RCAN2: variants seen among roughly 807,000 people sequenced by gnomAD.
The protein encoded by RCAN2 is regulator of calcineurin 2, also known as calcipressin-2.
A neutral mutation model predicts 23.6 loss-of-function variants in RCAN2; 9 were observed. The ratio of observed to expected loss-of-function variants is 0.38; its 90% CI spans 0.23 to 0.67. RCAN2 has a LOEUF of 0.67. RCAN2 is among the 30% of genes least tolerant of loss of function. RCAN2 has a pLI of 0.51. For missense variants in RCAN2, 273 were observed against 302.3 expected, an observed-to-expected ratio of 0.90 and a Z score of 0.72; for synonymous variants, 109 against 115.7, an observed-to-expected ratio of 0.94 and a Z score of 0.37.
At chr6:46,472,804 A>G (rs1311745338) in intron 1 of RCAN2, among the ~76,000 whole-genome samples, 1 of 152,202 alleles carries the variant, frequency 6.6e-6, no homozygotes, top group Non-Finnish European at 1.5e-5. Context: ...TTGAAAGAAG[A>G]AGGAACTTGG....
intron 2 of RCAN2, among the ~76,000 whole-genome samples, chr6:46,439,259 T>G (rs1042824958): frequency 6.6e-6 from 1 of 152,218 alleles, no homozygotes; most frequent in Admixed American, 6.5e-5. Context: ...ATACACTAAA[T>G]TTTACATGTA....
chr6:46,293,715 G>A (rs1387911159), intron 2 of RCAN2, among the ~76,000 whole-genome samples: 1 of 152,132 alleles, frequency 6.6e-6, no homozygotes, highest in Admixed American at 6.5e-5. Context: ...AGACAATACA[G>A]TGTGGTGAGG....
rs539962389 is a variant in RCAN2, at chr6:46,482,384, T to C, written c.-3+8789A>G. On this transcript the variant is annotated intron_variant, in intron 1 of 4. Coordinates refer to ENST00000371374, the MANE Select transcript of RCAN2 (RefSeq NM_001251974.2). The stretch of plus-strand genomic sequence containing the variant: ...ATTGAGAGAGGTGAGAGAAGAAGAA[T>C]GAAAACAGGCTAAAGGTAAAGTCCC... Among the ~76,000 whole-genome samples the C allele has an allele frequency of 3.9e-5, 6 of 152,224 alleles. No homozygotes were observed. The South Asian group carries it at 1.2e-3, about 32-fold the overall frequency.
chr6:46,470,232 C>T (rs559878658), intron 1 of RCAN2, among the ~76,000 whole-genome samples: 53 of 152,284 alleles, frequency 3.5e-4, no homozygotes, highest in South Asian at 1.2e-3. Flanking sequence ...ACAACTAGAA[C>T]ATTATGAGGG....
intron 2 of RCAN2, among the ~76,000 whole-genome samples, chr6:46,431,014 A>C (rs1279928070): frequency 6.6e-6 from 1 of 152,156 alleles, no homozygotes; most frequent in Non-Finnish European, 1.5e-5. Flanking sequence ...ATGAAGACAG[A>C]AGCAGAATAT....
chr6:46,425,710 AC>A lies in RCAN2; in HGVS notation c.225+31041del, dbSNP rs1275513676. Among the ~76,000 whole-genome samples the A allele has an allele frequency of 7.9e-5, 12 of 152,196 alleles. No homozygotes were observed. The East Asian group carries it at 2.3e-3, about 29-fold the overall frequency. On this transcript the variant is annotated intron_variant, in intron 2 of 4. Transcript: ENST00000371374. ...TCCTTGAGTTATAATTTATGTGCCT[AC>A]TTACCTTAAAAAAAACAGCATATAT...
At chr6:46,275,803 G>C (rs745626164) in intron 2 of RCAN2, among the ~76,000 whole-genome samples, 1 of 152,090 alleles carries the variant, frequency 6.6e-6, no homozygotes, top group Non-Finnish European at 1.5e-5. Flanking sequence ...TATCAGATGC[G>C]ACCAGAAAGT....
chr6:46,462,197 A>T (rs1427183394), intron 1 of RCAN2, among the ~76,000 whole-genome samples: 1 of 152,214 alleles, frequency 6.6e-6, no homozygotes, highest in African/African-American at 2.4e-5. Context: ...AATATTTGGT[A>T]TGAGTTTGGG....
intron 2 of RCAN2, among the ~76,000 whole-genome samples, chr6:46,318,952 T>TA (rs1305034595): frequency 2.0e-5 from 3 of 152,182 alleles, no homozygotes; most frequent in African/African-American, 7.2e-5. Context: ...GGAATGGGTA[T>TA]ATATAACTTT....
At chr6:46,295,630 G>A (rs1202353845) in intron 2 of RCAN2, among the ~76,000 whole-genome samples, 1 of 152,042 alleles carries the variant, frequency 6.6e-6, no homozygotes, top group Non-Finnish European at 1.5e-5. Context: ...AGGACTGCAG[G>A]GAAGCAAGGA....
At position 46,393,290 on chromosome 6, in the gene RCAN2, C is replaced by T. The variant is rs565384950; in HGVS notation, c.225+63462G>A. Among the ~76,000 whole-genome samples the T allele has an allele frequency of 2.0e-5, 3 of 152,240 alleles. No individual in the cohort carries two copies. In the East Asian group the frequency reaches 5.8e-4, roughly 29 times the overall value. ...AGCTGAGGCTAAAACTAACTATGGG[C>T]AAATTATGTAACTTCCATGAACCTT... On this transcript the variant is annotated intron_variant, in intron 2 of 4. Transcript: ENST00000371374.
At chr6:46,262,556 GACCAGCCTTGGC>G (rs1001458658) in intron 2 of RCAN2, among the ~76,000 whole-genome samples, 2 of 148,614 alleles carry the variant, frequency 1.3e-5, no homozygotes. Context: ...AGGAGTTTGA[GACCAGCCTTGGC>G]AATATAGTGA....
At chr6:46,302,985 T>C (rs1054992482) in intron 2 of RCAN2, among the ~76,000 whole-genome samples, 1 of 151,966 alleles carries the variant, frequency 6.6e-6, no homozygotes, top group South Asian at 2.1e-4. Flanking sequence ...AACCACTGCA[T>C]ATACTGTTGG....
intron 1 of RCAN2, among the ~76,000 whole-genome samples, chr6:46,480,295 T>C (rs1768823884): frequency 6.6e-6 from 1 of 152,220 alleles, no homozygotes; most frequent in South Asian, 2.1e-4. Flanking sequence ...GAGGACAATA[T>C]GTGATAACAT....
intron 2 of RCAN2, among the ~76,000 whole-genome samples, chr6:46,350,103 C>T (rs1328506001): frequency 1.3e-5 from 2 of 152,170 alleles, no homozygotes; most frequent in African/African-American, 4.8e-5. Context: ...TTGGTTTTCT[C>T]TCTTCAAATG....
intron 4 of RCAN2, among the ~76,000 whole-genome samples, chr6:46,226,171 C>A (rs1355192749): frequency 1.3e-5 from 2 of 152,138 alleles, no homozygotes; most frequent in South Asian, 2.1e-4. Context: ...CAGTACCGTG[C>A]TATTTTGGTT....
chr6:46,301,558 G>C (rs2150351322), intron 2 of RCAN2, among the ~76,000 whole-genome samples: 1 of 152,204 alleles, frequency 6.6e-6, no homozygotes, highest in Non-Finnish European at 1.5e-5. Flanking sequence ...TGTTGAACAA[G>C]ACTGACAAAG....
chr6:46,223,336 G>T (rs1251893774), intron 4 of RCAN2, 35 bp from the exon 5 acceptor site: 7 of 1,600,070 alleles, frequency 4.4e-6, no homozygotes, highest in South Asian at 1.1e-5. Context: ...GAGAAAGAGG[G>T]GGGGATTTCA....
chr6:46,284,081 T>C (rs901899374), intron 2 of RCAN2, among the ~76,000 whole-genome samples: 4 of 152,208 alleles, frequency 2.6e-5, no homozygotes, highest in East Asian at 1.9e-4. Flanking sequence ...CATCAGAGAA[T>C]ACTTGATAAT....
Sources: allele counts gnomAD v4.1 joint callset (sites outside exome capture counted in the v4.1 genomes callset), GRCh38; gene constraint gnomAD v4.1.1; transcripts MANE v1.5; gene names NCBI Gene and HGNC (gene_info 2026-07-23, HGNC 2026-07-21).